The following MGMT variants were observed in gnomAD, a reference collection of about 807,000 sequenced individuals.
The protein encoded by MGMT is methylated-DNA--protein-cysteine methyltransferase.
A neutral mutation model predicts 15.9 loss-of-function variants in MGMT; 14 were observed. That is an observed-to-expected ratio of 0.88 (90% CI 0.58 to 1.37). The LOEUF (loss-of-function observed/expected upper bound fraction) is 1.37, where lower values mean the gene tolerates loss of function less well. Ranked by LOEUF, MGMT falls within the 40% of genes most tolerant of loss-of-function variation. The pLI, the probability that MGMT is intolerant of heterozygous loss-of-function variation, is 0.00. For synonymous variants in MGMT, 130 were observed against 118.2 expected, an observed-to-expected ratio of 1.10 and a Z score of -0.65; for missense variants, 282 against 268.1, an observed-to-expected ratio of 1.05 and a Z score of -0.36.
At chr10:129,732,527 G>A (rs914453372) in intron 3 of MGMT, among the ~76,000 whole-genome samples, 9 of 151,338 alleles carry the variant, frequency 5.9e-5, no homozygotes, top group African/African-American at 2.2e-4. Context: ...GTGTACACAT[G>A]CCACATTTTC....
intron 3 of MGMT, among the ~76,000 whole-genome samples, chr10:129,732,408 G>C (rs1228937679): frequency 6.9e-6 from 1 of 144,788 alleles, no homozygotes; most frequent in African/African-American, 2.6e-5. Flanking sequence ...TGCGGTGTTT[G>C]GTTTTCTGTC....
chr10:129,472,450 C>T (rs575655416), intron 1 of MGMT, among the ~76,000 whole-genome samples: 50 of 152,120 alleles, frequency 3.3e-4, no homozygotes, highest in Admixed American at 1.7e-3. Context: ...GAGAAGACGG[C>T]GAAGAACCAT....
intron 1 of MGMT, among the ~76,000 whole-genome samples, chr10:129,492,869 T>C (rs1344064941): frequency 6.6e-6 from 1 of 152,262 alleles, no homozygotes; most frequent in Non-Finnish European, 1.5e-5. Context: ...AAGTCCATTC[T>C]GAGCACTTGC....
chr10:129,668,399 C>G (rs966393727), intron 2 of MGMT, among the ~76,000 whole-genome samples: 1 of 151,982 alleles, frequency 6.6e-6, no homozygotes, highest in African/African-American at 2.4e-5. Flanking sequence ...GTTATTTGCT[C>G]TCACCTTTAC....
intron 2 of MGMT, among the ~76,000 whole-genome samples, chr10:129,687,698 CTTT>C (rs35636912): frequency 1.4e-5 from 2 of 142,920 alleles, no homozygotes; most frequent in Non-Finnish European, 1.5e-5. Context: ...ATGTGTAGCC[CTTT>C]TTTTTTTTTT....
At chr10:129,760,769 A>T (rs1259089529) in intron 4 of MGMT, among the ~76,000 whole-genome samples, 4 of 152,170 alleles carry the variant, frequency 2.6e-5, no homozygotes, top group Non-Finnish European at 5.9e-5. Context: ...CTATTAAAAT[A>T]TCCCAAATAT....
intron 1 of MGMT, among the ~76,000 whole-genome samples, chr10:129,468,225 T>C (rs190677683): frequency 6.6e-6 from 1 of 152,292 alleles, no homozygotes; most frequent in Non-Finnish European, 1.5e-5. Context: ...GTTTTGTTAT[T>C]TTCAGGGCCC....
At position 129,768,600 on chromosome 10, in the gene MGMT, G is replaced by T. The variant is rs894949107; in HGVS notation, c.*1603G>T. Among the ~76,000 whole-genome samples, 4 of 152,266 alleles carry T rather than the reference G, an allele frequency of 2.6e-5. No individual in the cohort carries two copies. The highest frequency in any genetic ancestry group is 2.0e-4 in the Admixed American group (3 of 15,290). On this transcript the variant is annotated 3_prime_UTR_variant, in exon 5 of 5. Coordinates refer to ENST00000651593, the MANE Select transcript of MGMT (RefSeq NM_002412.5). ...ATGATGGCCCTCCCCAGTGATGGCC[G>T]GTCACCAGGCACGGCTTTCCCCTCT...
At chr10:129,602,707 TC>T (rs1846838560) in intron 2 of MGMT, among the ~76,000 whole-genome samples, 1 of 152,122 alleles carries the variant, frequency 6.6e-6, no homozygotes, top group South Asian at 2.1e-4. Flanking sequence ...ACCTGAGTGC[TC>T]CCGGCATTAC....
chr10:129,534,496 A>G (rs1845965001), intron 1 of MGMT, among the ~76,000 whole-genome samples: 1 of 151,848 alleles, frequency 6.6e-6, no homozygotes, highest in Non-Finnish European at 1.5e-5. Context: ...TCTTGAGAGT[A>G]ATGCTTCTAC....
chr10:129,702,554 A>G (rs562629973), intron 2 of MGMT, among the ~76,000 whole-genome samples: 2 of 152,188 alleles, frequency 1.3e-5, no homozygotes, highest in South Asian at 4.1e-4. Flanking sequence ...GGGATGGGAT[A>G]GGAAGGGGCT....
At position 129,536,449 on chromosome 10, in the gene MGMT, A is replaced by G. The variant is rs74160214; in HGVS notation, c.125+72A>G. 2,024 of 1,538,320 alleles carry G rather than the reference A, an allele frequency of 1.3e-3. 36 individuals are homozygous for G. In the African/African-American group the frequency reaches 0.025, roughly 19 times the overall value. On this transcript the variant is annotated intron_variant, in intron 2 of 4. Transcript: ENST00000651593. ...ACCGAGGAGTATATGTGATAACGGC[A>G]TGTTTTCCATTGATGGCAGGGTAAC... is the stretch of plus-strand genomic sequence containing the variant.
intron 2 of MGMT, among the ~76,000 whole-genome samples, chr10:129,678,000 A>G (rs1027328474): frequency 1.3e-5 from 2 of 152,172 alleles, no homozygotes; most frequent in Non-Finnish European, 1.5e-5. Context: ...AGTTACCTTG[A>G]CAGATTGTGA....
rs151318363 is a variant in MGMT at position 129,674,274 on chromosome 10, T to TA, written c.126-33609dup. Among the ~76,000 whole-genome samples the TA allele has an allele frequency of 2.1e-3, 317 of 147,482 alleles. 1 individual carries two copies. The highest frequency in any genetic ancestry group is 4.7e-3 in the East Asian group (24 of 5,060). ...TTTCACTGATTTTGCAAGCCAGTTG[T>TA]AAAAAAAAAAAATAGTATAAACTCC... On this transcript the variant is annotated intron_variant, in intron 2 of 4. Transcript: ENST00000651593.
intron 2 of MGMT, among the ~76,000 whole-genome samples, chr10:129,585,015 C>T (rs539008647): frequency 1.1e-4 from 16 of 152,148 alleles, no homozygotes; most frequent in Admixed American, 8.5e-4. Context: ...TTCCTGGGTC[C>T]GATGGCAATT....
At chr10:129,619,301 A>G (rs1847063978) in intron 2 of MGMT, among the ~76,000 whole-genome samples, 1 of 152,192 alleles carries the variant, frequency 6.6e-6, no homozygotes, top group African/African-American at 2.4e-5. Context: ...GTCTTTGATA[A>G]GTGCCACTTG....
rs59558715 is a variant in MGMT, at chr10:129,706,569, G to A, written c.126-1326G>A. Among the ~76,000 whole-genome samples the A allele has an allele frequency of 7.6e-3, 1,160 of 152,284 alleles. 20 individuals are homozygous for A. The highest frequency in any genetic ancestry group is 0.026 in the African/African-American group (1,099 of 41,560). ...TGCAGAAGGAAACTAGAAAACTTCCGTGCTCCAAGCCTGGGAAGTCCCGGG... is the reference window on the plus strand; with the variant it reads ...TGCAGAAGGAAACTAGAAAACTTCCATGCTCCAAGCCTGGGAAGTCCCGGG... On this transcript the variant is annotated intron_variant, in intron 2 of 4. Transcript: ENST00000651593.
At chr10:129,718,348 T>C (rs1218217293) in intron 3 of MGMT, among the ~76,000 whole-genome samples, 1 of 152,136 alleles carries the variant, frequency 6.6e-6, no homozygotes, top group Non-Finnish European at 1.5e-5. Context: ...CTCCGTCTGA[T>C]CGTATAGTTA....
Position 129,524,927 on chromosome 10 carries a change from T to C in MGMT, c.-12-11314T>C, listed in dbSNP as rs187243625. ...TTATAGGCTCATCTTGACAGTGTTC[T>C]GGTATCACAAACCAATTGTCAGTTA... On this transcript the variant is annotated intron_variant, in intron 1 of 4. Coordinates refer to ENST00000651593, the MANE Select transcript of MGMT (RefSeq NM_002412.5). Among the ~76,000 whole-genome samples, 312 of 152,290 alleles carry C rather than the reference T, an allele frequency of 2.0e-3. 3 individuals are homozygous for C. Among genetic ancestry groups the C allele is most frequent in the Admixed American group, 3.1e-3 (47 of 15,294 alleles).
Sources: gnomAD v4.1 joint callset for allele counts (sites outside exome capture counted in the v4.1 genomes callset) on GRCh38, gnomAD v4.1.1 for gene constraint, MANE v1.5 for transcripts, NCBI Gene and HGNC (gene_info 2026-07-23, HGNC 2026-07-21) for gene names.